The following ACOXL variants were observed in gnomAD, a reference collection of about 807,000 sequenced individuals.
The protein encoded by ACOXL is acyl-coenzyme A oxidase-like protein.
A neutral mutation model predicts 71.9 loss-of-function variants in ACOXL; 70 were observed. The ratio of observed to expected loss-of-function variants is 0.97; its 90% CI spans 0.80 to 1.19. The LOEUF (loss-of-function observed/expected upper bound fraction) is 1.19. ACOXL is among the 50% of genes most tolerant of loss of function. The pLI is 0.00. For missense variants in ACOXL, 703 were observed against 736.3 expected (o/e 0.95, Z 0.52); for synonymous variants, 253 against 281.6 (o/e 0.90, Z 1.02).
chr2:111,050,832 C>T (rs1255262186), intron 16 of ACOXL, among the ~76,000 whole-genome samples: 1 of 152,200 alleles, frequency 6.6e-6, no homozygotes, highest in Non-Finnish European at 1.5e-5. Context: ...TTCTTCACAT[C>T]TAGAGTGAGA....
intron 10 of ACOXL, among the ~76,000 whole-genome samples, chr2:110,888,769 A>G (rs1340462649): frequency 6.6e-6 from 1 of 152,204 alleles, no homozygotes; most frequent in African/African-American, 2.4e-5. Flanking sequence ...CAAAGATCTC[A>G]TTTGAACTTA....
chr2:110,782,205 TCTA>T (rs1288796229), intron 2 of ACOXL, among the ~76,000 whole-genome samples: 2 of 152,216 alleles, frequency 1.3e-5, no homozygotes, highest in Non-Finnish European at 2.9e-5. Context: ...TTGCTGCAAT[TCTA>T]CTGCTGCAAT....
intron 9 of ACOXL, among the ~76,000 whole-genome samples, chr2:110,840,909 C>T (rs17041565): frequency 0.012 from 1,810 of 152,296 alleles, 19 homozygotes; most frequent in Middle Eastern, 0.058. Flanking sequence ...CTGGGCTCCA[C>T]TTGGTGCTCC....
intron 1 of ACOXL, among the ~76,000 whole-genome samples, chr2:110,733,600 C>G (rs1421928781): frequency 3.3e-5 from 5 of 152,086 alleles, no homozygotes; most frequent in Non-Finnish European, 7.4e-5. Context: ...TTAGCCATGC[C>G]CACTTAGCCC....
chr2:111,086,996 C>T (rs1274617136), intron 16 of ACOXL, among the ~76,000 whole-genome samples: 2 of 152,066 alleles, frequency 1.3e-5, no homozygotes, highest in South Asian at 2.1e-4. Context: ...AGTAGCATTC[C>T]GATACACCAA....
intron 13 of ACOXL, among the ~76,000 whole-genome samples, chr2:110,995,683 A>C (rs551682878): frequency 6.6e-6 from 1 of 152,248 alleles, no homozygotes; most frequent in African/African-American, 2.4e-5. Context: ...CTATACCACA[A>C]GGACAACCAC....
chr2:110,793,518 T>A (rs1225881762), intron 3 of ACOXL, 132 bp from the exon 4 acceptor site: 17 of 769,510 alleles, frequency 2.2e-5, no homozygotes, highest in Non-Finnish European at 3.4e-5. Flanking sequence ...CAAAGAAGCA[T>A]GCCACTTGCA....
chr2:111,045,402 C>T (rs1574588693), intron 15 of ACOXL, among the ~76,000 whole-genome samples: 2 of 152,284 alleles, frequency 1.3e-5, no homozygotes, highest in Admixed American at 1.3e-4. Flanking sequence ...AGTGGCCGCA[C>T]AGACCTGTTC....
chr2:111,037,864 T>C (rs1187785336), intron 15 of ACOXL, among the ~76,000 whole-genome samples: 1 of 152,188 alleles, frequency 6.6e-6, no homozygotes, highest in Non-Finnish European at 1.5e-5. Flanking sequence ...TCCCAGAGAA[T>C]GGGGGTTCTG....
At chr2:111,038,515 T>C (rs566870494) in intron 15 of ACOXL, among the ~76,000 whole-genome samples, 5 of 152,216 alleles carry the variant, frequency 3.3e-5, no homozygotes, top group Non-Finnish European at 7.3e-5. Flanking sequence ...TAACTTCTAA[T>C]ATCTAAGTAG....
At chr2:111,020,781 G>A (rs1473911336) in intron 14 of ACOXL, among the ~76,000 whole-genome samples, 1 of 152,168 alleles carries the variant, frequency 6.6e-6, no homozygotes, top group Non-Finnish European at 1.5e-5. Context: ...GACCAGGAGG[G>A]CCAGACAGAT....
At chr2:110,877,201 C>T (rs1173053355) in intron 10 of ACOXL, among the ~76,000 whole-genome samples, 2 of 152,336 alleles carry the variant, frequency 1.3e-5, no homozygotes, top group African/African-American at 4.8e-5. Flanking sequence ...CAGTTCCTGC[C>T]GTCTTTGAGG....
chr2:110,988,978 T>G (rs1365976727), intron 13 of ACOXL, among the ~76,000 whole-genome samples: 1 of 152,068 alleles, frequency 6.6e-6, no homozygotes, highest in Non-Finnish European at 1.5e-5. Context: ...GTGGCTTGTC[T>G]TATATTTTCT....
chr2:110,793,732 T>A lies in ACOXL; in HGVS notation c.242T>A (p.Leu81His). 1 of 1,613,548 alleles carries A rather than the reference T, an allele frequency of 6.2e-7. No individual in the cohort carries two copies. The highest frequency in any genetic ancestry group is 8.5e-7 in the Non-Finnish European group (1 of 1,179,416). Reference sequence around the variant, plus strand: ...CATGTTACTAAGTGGTTTCAGCCACTCCAGGTATGGTATTTTCCTCAACAT... The same window carrying A: ...CATGTTACTAAGTGGTTTCAGCCACACCAGGTATGGTATTTTCCTCAACAT... ...PEHVTKWFQPLQEQKYTGMFA... is the reference protein window; with the variant it reads ...PEHVTKWFQPHQEQKYTGMFA... Residue 81 changes from leucine (L) to histidine (H), a missense_variant, in exon 4 of 18, where the codon CTC (leucine) becomes CAC (histidine). Leu to His is a moderately conservative substitution (Grantham distance 99). Coordinates refer to ENST00000439055, the MANE Select transcript of ACOXL (RefSeq NM_001142807.4).
chr2:110,942,727 A>G (rs560423600), intron 12 of ACOXL, among the ~76,000 whole-genome samples: 1 of 74,230 alleles, frequency 1.3e-5, no homozygotes, highest in South Asian at 4.0e-4. Context: ...CATCTCTACT[A>G]AAAAAAAAAA....
intron 10 of ACOXL, 120 bp from the exon 11 acceptor site, chr2:110,908,669 G>A (rs996798452): frequency 1.3e-5 from 10 of 765,734 alleles, no homozygotes; most frequent in Non-Finnish European, 2.0e-5. Flanking sequence ...AGGAAATTCA[G>A]ATTTCTGCAT....
chr2:110,951,297 A>G (rs1366136371), intron 12 of ACOXL, among the ~76,000 whole-genome samples: 2 of 152,244 alleles, frequency 1.3e-5, no homozygotes, highest in East Asian at 1.9e-4. Flanking sequence ...TGTTGATCTT[A>G]TAATCAACAA....
intron 12 of ACOXL, among the ~76,000 whole-genome samples, chr2:110,950,242 C>T (rs188816201): frequency 1.3e-5 from 2 of 152,134 alleles, no homozygotes; most frequent in Non-Finnish European, 2.9e-5. Context: ...AAATCGCTCC[C>T]CAGTGAGAAA....
intron 11 of ACOXL, among the ~76,000 whole-genome samples, chr2:110,920,464 G>T (rs530856173): frequency 4.6e-5 from 7 of 152,178 alleles, no homozygotes; most frequent in Admixed American, 2.6e-4. Context: ...TTCTTTATAG[G>T]TTCTAAATAG....
Sources: gnomAD v4.1 joint callset for allele counts (sites outside exome capture counted in the v4.1 genomes callset) on GRCh38, gnomAD v4.1.1 for gene constraint, MANE v1.5 for transcripts, NCBI Gene and HGNC (gene_info 2026-07-23, HGNC 2026-07-21) for gene names.